The following DGKZ variants were observed in gnomAD, a reference collection of about 807,000 sequenced individuals.
DGKZ encodes the protein diacylglycerol kinase zeta, also known as DAG kinase zeta.
DGKZ carries 45 observed loss-of-function variants against 142.5 expected under a neutral mutation model. The observed-to-expected ratio is 0.32, with a 90% CI of 0.25 to 0.40. The LOEUF is 0.40. Ranked by LOEUF, DGKZ falls within the 10% of genes least tolerant of loss-of-function variation. DGKZ has a pLI of 1.00. For synonymous variants in DGKZ, 442 were observed against 527.0 expected (o/e 0.84, Z 2.21); for missense variants, 755 against 1,306.5 (o/e 0.58, Z 6.51).
At chr11:46,379,205 C>T in exon 29 of DGKZ, 1 of 1,613,060 alleles carries the variant, frequency 6.2e-7, no homozygotes, top group South Asian at 1.1e-5. Context: ...TTCTCCAGCC[C>T]CCCCAGAGAT....
At position 46,347,577 on chromosome 11, in the gene DGKZ, G is replaced by C. The variant is rs1157181119; in HGVS notation, c.-83G>C. ...GCGCGCCATGGAGGTGGCGGGCGGC[G>C]CGGAGCGGGCGTGCTGAGCCCCGGC... is the stretch of plus-strand genomic sequence containing the variant. On this transcript the variant is annotated 5_prime_UTR_variant, in exon 1 of 31. Coordinates refer to ENST00000527911, the Ensembl canonical transcript of DGKZ. This position sits in a 1 kb window ranked among gnomAD's most constrained non-coding sequence, Gnocchi z 6.4. 4.7e-5 allele frequency: 48 copies of C among 1,028,546 alleles called. No homozygotes were observed. Among genetic ancestry groups the C allele is most frequent in the Non-Finnish European group, 5.5e-5 (47 of 852,288 alleles). 63.7% of individuals were successfully genotyped at this position (1,028,546 alleles called of 1,614,324 possible).
At chr11:46,376,651 C>G (rs1944580052) in intron 24 of DGKZ, 87 bp downstream of exon 24, 1 of 1,539,064 alleles carries the variant, frequency 6.5e-7, no homozygotes, top group Non-Finnish European at 8.9e-7. Context: ...TTAGCTCCCC[C>G]GATGGGCTCA....
intron 1 of DGKZ, among the ~76,000 whole-genome samples, chr11:46,338,389 G>A (rs922183770): frequency 1.3e-5 from 2 of 151,338 alleles, no homozygotes; most frequent in African/African-American, 4.9e-5. Context: ...CAAGATACTC[G>A]GGAGGCTGAG....
chr11:46,372,182 CT>C lies in DGKZ; in HGVS notation c.927+14del. 1 of 1,597,224 alleles carries C rather than the reference CT, an allele frequency of 6.3e-7. No individual in the cohort carries two copies. The highest frequency in any genetic ancestry group is 8.5e-7 in the Non-Finnish European group (1 of 1,170,092). On this transcript the variant is annotated intron_variant, in intron 10 of 30. Transcript: ENST00000527911. This position sits in a 1 kb window ranked among gnomAD's most constrained non-coding sequence, Gnocchi z 5.9. ...GTGGGGGCAACCAGGTGAACGCGGC[CT>C]TGCCTCTCAGCTAAGGGCTCGGGCG...
At chr11:46,344,236 G>T (rs144086129), upstream of DGKZ, among the ~76,000 whole-genome samples, 4 of 151,824 alleles carry the variant, frequency 2.6e-5, no homozygotes, top group Non-Finnish European at 5.9e-5. Flanking sequence ...CTTGTTTGCT[G>T]ACATTATATT....
chr11:46,354,311 C>G (rs7127088), intron 1 of DGKZ, among the ~76,000 whole-genome samples: 10,941 of 152,204 alleles, frequency 0.072, 1,336 homozygotes, highest in African/African-American at 0.25. Context: ...CTCAGCCTCC[C>G]GAGTAGCTAG....
At chr11:46,351,737 G>T (rs1941414068) in intron 1 of DGKZ, among the ~76,000 whole-genome samples, 1 of 152,216 alleles carries the variant, frequency 6.6e-6, no homozygotes, top group South Asian at 2.1e-4. Context: ...ATGGGCCTCA[G>T]TGGCCGAGCT....
intron 27 of DGKZ, chr11:46,378,725 C>G: frequency 1.2e-6 from 1 of 839,672 alleles, no homozygotes; most frequent in Non-Finnish European, 2.0e-6. Flanking sequence ...TCCACCTGTC[C>G]CTGGTGCTTA....
intron 1 of DGKZ, chr11:46,364,615 C>T (rs1374438117): frequency 1.0e-5 from 10 of 985,326 alleles, no homozygotes; most frequent in Non-Finnish European, 1.2e-5. Context: ...CCACCCTGTC[C>T]ATCTCTCCCC....
upstream of DGKZ, among the ~76,000 whole-genome samples, chr11:46,346,879 C>A (rs1940674104): frequency 6.6e-6 from 1 of 152,116 alleles, no homozygotes; most frequent in Admixed American, 6.5e-5. Flanking sequence ...CTTGTGAGTT[C>A]TTTGTTGGTG....
chr11:46,369,997 G>C (rs1324623605), exon 6 of DGKZ: 4 of 1,613,678 alleles, frequency 2.5e-6, no homozygotes, highest in Non-Finnish European at 1.7e-6. Context: ...GCAAGTGTCG[G>C]CACTGTGGGA....
chr11:46,365,684 A>G, intron 1 of DGKZ: 6 of 985,420 alleles, frequency 6.1e-6, no homozygotes, highest in Non-Finnish European at 6.0e-6. Flanking sequence ...TCCTTTGCAG[A>G]GAGCCTCATT....
chr11:46,376,695 T>C (rs1188918985), intron 24 of DGKZ, 131 bp downstream of exon 24: 2 of 1,250,042 alleles, frequency 1.6e-6, no homozygotes, highest in Non-Finnish European at 1.1e-6. Context: ...GCTTTTACTA[T>C]TGCCTGTGTG....
In DGKZ at chr11:46,375,415, G is replaced by C; in HGVS notation, c.1711-17G>C. 1 of 1,558,872 alleles carries C rather than the reference G, an allele frequency of 6.4e-7. No homozygotes were observed. The highest frequency in any genetic ancestry group is 8.6e-7 in the Non-Finnish European group (1 of 1,157,232). On this transcript the variant is annotated splice_polypyrimidine_tract_variant and intron_variant, in intron 19 of 30. Transcript: ENST00000527911. The stretch of plus-strand genomic sequence containing the variant: ...CCAGCCCTGGTGCCATCTGACCCAA[G>C]CTTCCTGTGCCCACAGGCCGCGCTG...
intron 1 of DGKZ, chr11:46,364,800 A>C (rs969755046): frequency 3.8e-5 from 37 of 985,220 alleles, no homozygotes; most frequent in Non-Finnish European, 4.2e-5. Context: ...ATCACCCACC[A>C]TGCCTAATTA....
At chr11:46,356,772 C>T (rs1247286293) in intron 1 of DGKZ, among the ~76,000 whole-genome samples, 1 of 152,188 alleles carries the variant, frequency 6.6e-6, no homozygotes, top group Admixed American at 6.5e-5. Flanking sequence ...AGGCAAATGA[C>T]TTAACCGCTT....
chr11:46,350,284 A>G (rs1292830580), intron 1 of DGKZ, among the ~76,000 whole-genome samples: 2 of 152,152 alleles, frequency 1.3e-5, no homozygotes, highest in African/African-American at 4.8e-5. Flanking sequence ...GGGGGCAGAC[A>G]TGTGGAAGGG....
intron 1 of DGKZ, chr11:46,333,520 G>T: frequency 2.0e-6 from 3 of 1,527,810 alleles, no homozygotes; most frequent in Middle Eastern, 2.3e-4. Flanking sequence ...GGAGCGCGGC[G>T]CTTGGGACCA....
At position 46,372,919 on chromosome 11, in the gene DGKZ, C is replaced by T. The variant is rs548567041; in HGVS notation, c.1185+35C>T. ...CATAGGAGGGGGGTGCAGCTGGGGC[C>T]TCTCCAGCCACAGAGGGCTCAGTCC... On this transcript the variant is annotated intron_variant, in intron 13 of 30. Transcript: ENST00000527911. This position sits in a 1 kb window ranked among gnomAD's most constrained non-coding sequence, Gnocchi z 5.9. 7.1e-6 allele frequency: 11 copies of T among 1,556,606 alleles called. No individual in the cohort carries two copies. The African/African-American group carries it at 1.4e-4, about 19-fold the overall frequency.
Sources: gnomAD v4.1 joint callset for allele counts (sites outside exome capture counted in the v4.1 genomes callset) on GRCh38, gnomAD v4.1.1 for gene constraint, Gnocchi (gnomAD v3.1) non-coding constraint, MANE v1.5 for transcripts, NCBI Gene and HGNC (gene_info 2026-07-23, HGNC 2026-07-21) for gene names.